The following NLGN1 variants were observed in gnomAD, a reference collection of about 807,000 sequenced individuals.
The protein encoded by NLGN1 is neuroligin-1.
A neutral mutation model predicts 65.5 loss-of-function variants in NLGN1; 12 were observed. The ratio of observed to expected loss-of-function variants is 0.18; its 90% CI spans 0.12 to 0.30. NLGN1 has a LOEUF of 0.30. NLGN1 is among the 10% of genes least tolerant of loss of function. NLGN1 has a pLI of 1.00. For missense variants in NLGN1, 750 were observed against 1,007.1 expected (o/e 0.74, Z 3.46); for synonymous variants, 350 against 359.5 (o/e 0.97, Z 0.30).
chr3:173,577,826 A>G (rs1388154470), intron 2 of NLGN1, among the ~76,000 whole-genome samples: 1 of 152,214 alleles, frequency 6.6e-6, no homozygotes, highest in Non-Finnish European at 1.5e-5. Flanking sequence ...ATCAAAGCTT[A>G]AAGGGACAGA....
chr3:173,466,727 A>G (rs1724421440), intron 2 of NLGN1, among the ~76,000 whole-genome samples: 1 of 152,240 alleles, frequency 6.6e-6, no homozygotes, highest in East Asian at 1.9e-4. Flanking sequence ...ATGTGAAAAC[A>G]ATATTAAATT....
intron 4 of NLGN1, among the ~76,000 whole-genome samples, chr3:174,219,325 C>T (rs971514055): frequency 1.3e-5 from 2 of 152,056 alleles, no homozygotes; most frequent in South Asian, 2.1e-4. Flanking sequence ...GGGAAAGTTA[C>T]ATAACTTTCC....
chr3:173,937,402 A>G (rs1375323388), intron 4 of NLGN1, among the ~76,000 whole-genome samples: 1 of 152,124 alleles, frequency 6.6e-6, no homozygotes, highest in Non-Finnish European at 1.5e-5. Context: ...TACTTTATGA[A>G]CTTCACTAGT....
At chr3:174,080,644 CGAG>C (rs1741970314) in intron 4 of NLGN1, among the ~76,000 whole-genome samples, 1 of 151,914 alleles carries the variant, frequency 6.6e-6, no homozygotes, top group African/African-American at 2.4e-5. Flanking sequence ...CCAGTCGTTC[CGAG>C]AAGAAGATCT....
Position 173,807,721 on chromosome 3 carries a change from A to G in NLGN1, c.535A>G (p.Ile179Val). The change falls in exon 4 of 7, where the codon ATC (isoleucine) becomes GTC (valine). Residue 179 changes from isoleucine (I) to valine (V), a missense_variant. By Grantham distance (29) the Ile-to-Val change is conservative. Coordinates refer to ENST00000457714, the Ensembl canonical transcript of NLGN1. ...GGGTCCCAAACCAGTGATGGTGTAT[A>G]TCCATGGTGGCTCATATATGGAAGG... 1.9e-6 allele frequency: 3 copies of G among 1,613,832 alleles called. No individual in the cohort carries two copies. The highest frequency in any genetic ancestry group is 1.7e-6 in the Non-Finnish European group (2 of 1,179,754).
At chr3:173,510,213 G>T (rs1461246668) in intron 2 of NLGN1, among the ~76,000 whole-genome samples, 1 of 152,198 alleles carries the variant, frequency 6.6e-6, no homozygotes, top group Non-Finnish European at 1.5e-5. Context: ...TAGAGAAACT[G>T]AGACTCCAAC....
At chr3:174,144,699 C>G (rs959532128) in intron 4 of NLGN1, among the ~76,000 whole-genome samples, 1 of 152,156 alleles carries the variant, frequency 6.6e-6, no homozygotes, top group South Asian at 2.1e-4. Flanking sequence ...TGTTTGTTGG[C>G]CACATAAATA....
At chr3:173,413,946 A>G (rs1448153157) in intron 1 of NLGN1, among the ~76,000 whole-genome samples, 1 of 152,224 alleles carries the variant, frequency 6.6e-6, no homozygotes, top group South Asian at 2.1e-4. Context: ...TGAGCTTTGT[A>G]TGTACAGAGA....
intron 4 of NLGN1, among the ~76,000 whole-genome samples, chr3:174,055,579 G>A (rs1735880194): frequency 6.6e-6 from 1 of 151,906 alleles, no homozygotes; most frequent in African/African-American, 2.4e-5. Context: ...AAGATTTTAG[G>A]CACTCTAGGA....
intron 4 of NLGN1, among the ~76,000 whole-genome samples, chr3:174,207,824 G>T (rs1386113178): frequency 6.6e-6 from 1 of 152,034 alleles, no homozygotes; most frequent in East Asian, 1.9e-4. Flanking sequence ...GCACATTCTA[G>T]GCCTTCAGTA....
At chr3:174,030,870 C>T (rs991221661) in intron 4 of NLGN1, among the ~76,000 whole-genome samples, 7 of 152,012 alleles carry the variant, frequency 4.6e-5, no homozygotes, top group Admixed American at 3.9e-4. Context: ...TCTCTAGAAG[C>T]GAGGATAATA....
intron 4 of NLGN1, among the ~76,000 whole-genome samples, chr3:173,811,930 AC>A (rs1718039632): frequency 6.6e-6 from 1 of 152,148 alleles, no homozygotes; most frequent in Non-Finnish European, 1.5e-5. Context: ...AAATTTTAAT[AC>A]CCCTGTGAGG....
At chr3:173,646,588 T>C (rs1758311027) in intron 3 of NLGN1, among the ~76,000 whole-genome samples, 1 of 152,190 alleles carries the variant, frequency 6.6e-6, no homozygotes, top group Admixed American at 6.5e-5. Flanking sequence ...TGTGCAAGTA[T>C]CAAAATATCT....
chr3:173,860,812 T>C (rs1728913369), intron 4 of NLGN1, among the ~76,000 whole-genome samples: 1 of 152,154 alleles, frequency 6.6e-6, no homozygotes, highest in African/African-American at 2.4e-5. Flanking sequence ...TCTAACTGCC[T>C]ACCTGCTTTC....
At chr3:173,658,193 CAAA>C (rs1248820017) in intron 3 of NLGN1, among the ~76,000 whole-genome samples, 1 of 151,926 alleles carries the variant, frequency 6.6e-6, no homozygotes, top group Non-Finnish European at 1.5e-5. Context: ...TATGAACAAT[CAAA>C]GAGATATCGG....
chr3:173,636,981 C>T (rs1262219251), intron 3 of NLGN1, among the ~76,000 whole-genome samples: 2 of 152,120 alleles, frequency 1.3e-5, no homozygotes, highest in South Asian at 4.1e-4. Context: ...CAGCTGTTAA[C>T]TTTATTGTGC....
chr3:174,103,485 G>T (rs1382622468), intron 4 of NLGN1, among the ~76,000 whole-genome samples: 1 of 152,020 alleles, frequency 6.6e-6, no homozygotes, highest in Admixed American at 6.6e-5. Context: ...TTTCAGAATG[G>T]GAGTAGATTT....
intron 4 of NLGN1, among the ~76,000 whole-genome samples, chr3:173,997,747 G>T (rs574187212): frequency 2.0e-5 from 3 of 151,984 alleles, no homozygotes; most frequent in African/African-American, 7.2e-5. Context: ...CAAAACTACC[G>T]CAGAGCTCAA....
At chr3:173,773,694 G>A (rs1475998955) in intron 3 of NLGN1, among the ~76,000 whole-genome samples, 1 of 152,108 alleles carries the variant, frequency 6.6e-6, no homozygotes, top group Admixed American at 6.6e-5. Context: ...GGAACAAAAG[G>A]TCTCCCTTCT....
Sources: allele counts gnomAD v4.1 joint callset (sites outside exome capture counted in the v4.1 genomes callset), GRCh38; gene constraint gnomAD v4.1.1; transcripts MANE v1.5; gene names NCBI Gene and HGNC (gene_info 2026-07-23, HGNC 2026-07-21).